Variants in ARFGAP1 observed in about 807,000 individuals in gnomAD.
ARFGAP1 encodes the protein ARF GTPase activating protein 1, also known as ADP-ribosylation factor GTPase-activating protein 1.
In ARFGAP1, 26 loss-of-function variants were observed where a neutral mutation model predicts 54.0. The observed-to-expected ratio is 0.48, with a 90% confidence interval of 0.35 to 0.67. ARFGAP1 has a LOEUF of 0.67. Ranked by LOEUF, ARFGAP1 falls within the 30% of genes least tolerant of loss-of-function variation. The pLI, the probability that ARFGAP1 is intolerant of heterozygous loss-of-function variation, is 0.00. For missense variants in ARFGAP1, 525 were observed against 535.8 expected (o/e 0.98, Z 0.20); for synonymous variants, 248 against 211.9 (o/e 1.17, Z -1.48).
Position 63,288,884 on chromosome 20 carries a change from G to A in ARFGAP1, c.*1011G>A, listed in dbSNP as rs986893244. ...CCAGCCATGCATGCGCCCGAAGCTCGTGCAGTTTGTACGTGAGGTGCTCTC... is the reference window on the plus strand; with the variant it reads ...CCAGCCATGCATGCGCCCGAAGCTCATGCAGTTTGTACGTGAGGTGCTCTC... On this transcript the variant is annotated 3_prime_UTR_variant, in exon 13 of 13. Coordinates refer to ENST00000370283, the MANE Select transcript of ARFGAP1 (RefSeq NM_018209.4). 7 of 270,814 alleles carry A rather than the reference G, an allele frequency of 2.6e-5. No homozygotes were observed. The highest frequency in any genetic ancestry group is 1.1e-4 in the African/African-American group (5 of 45,940). The allele number at this position is 270,814 out of a possible 1,614,324, so 16.8% of individuals were successfully genotyped here.
chr20:63,277,670 C>T (rs890509475), intron 5 of ARFGAP1, among the ~76,000 whole-genome samples: 9 of 152,308 alleles, frequency 5.9e-5, no homozygotes, highest in East Asian at 1.9e-4. Context: ...GAACTGACCC[C>T]GTCATGGATG....
rs2067486286 is a variant in ARFGAP1, at chr20:63,284,902, C to T, written c.754C>T (p.Leu252Phe). The T allele has an allele frequency of 1.9e-6, 3 of 1,613,282 alleles. No individual in the cohort carries two copies. Among genetic ancestry groups the T allele is most frequent in the Non-Finnish European group, 2.5e-6 (3 of 1,179,934 alleles). ...ELGHSLNENV[L>F]KPAQEKVKEG... ...GGGCCACAGCCTGAACGAGAACGTC[C>T]TCAAGCCTGCGCAGGAGAAGGTAAC... Residue 252 changes from leucine to phenylalanine, a missense_variant, in exon 10 of 13, where the codon CTC (leucine) becomes TTC (phenylalanine). Leu to Phe is a conservative substitution (Grantham distance 22). Transcript: ENST00000370283.
At chr20:63,284,261 G>C (rs1156708213) in intron 9 of ARFGAP1, 1 of 1,148,800 alleles carries the variant, frequency 8.7e-7, no homozygotes, top group Non-Finnish European at 1.1e-6. Flanking sequence ...GCAGTGCAAA[G>C]GGGAGGATCT....
intron 2 of ARFGAP1, 110 bp from the exon 3 acceptor site, chr20:63,275,981 C>A: frequency 4.1e-6 from 4 of 970,090 alleles, no homozygotes; most frequent in Admixed American, 1.8e-5. Context: ...ACACCCCCGG[C>A]CACCCTGGGC....
chr20:63,282,145 T>C (rs533821999), intron 8 of ARFGAP1, among the ~76,000 whole-genome samples: 127 of 152,264 alleles, frequency 8.3e-4, no homozygotes, highest in Admixed American at 7.2e-3. Context: ...TCTGGCCCCG[T>C]GTCTTCCCTG....
At chr20:63,274,447 A>G (rs2067184990) in intron 1 of ARFGAP1, among the ~76,000 whole-genome samples, 1 of 151,886 alleles carries the variant, frequency 6.6e-6, no homozygotes, top group Admixed American at 6.6e-5. Flanking sequence ...GCTGGTCTAC[A>G]CAGTCCTCTT....
rs371864690 is a variant in ARFGAP1, at chr20:63,286,416, G to T, written c.885G>T (p.Ser295=). Residue 295 remains serine (S), a synonymous_variant, in exon 12 of 13, where the codon TCG becomes TCT. Coordinates refer to ENST00000370283, the MANE Select transcript of ARFGAP1 (RefSeq NM_018209.4). ...GGCGGGACGTCACCACCTTTTTTTC[G>T]GGGAAAGCAGAGGGCCCCTTGGACA... ...KGWRDVTTFF[S]GKAEGPLDSP... 41 of 1,613,380 alleles carry T rather than the reference G, an allele frequency of 2.5e-5. 1 individual carries two copies. In the South Asian group the frequency reaches 4.5e-4, roughly 18 times the overall value.
chr20:63,276,666 G>T lies in ARFGAP1; in HGVS notation c.342+15G>T, dbSNP rs200147733. ...TTAGGGATAAGGTAGAGATGGGCCC[G>T]ATTCACTCTTGCCCATGGTGTGGGG... On this transcript the variant is annotated intron_variant, in intron 4 of 12. Transcript: ENST00000370283. The surrounding 1 kb of genome is among the most constrained non-coding windows in gnomAD (Gnocchi z 5.2). The T allele has an allele frequency of 1.9e-6, 3 of 1,590,912 alleles. No homozygotes were observed. The highest frequency in any genetic ancestry group is 2.6e-6 in the Non-Finnish European group (3 of 1,166,908).
In ARFGAP1 at chr20:63,288,030, C is replaced by A; in HGVS notation, c.*157C>A. 2 of 910,610 alleles carry A rather than the reference C, an allele frequency of 2.2e-6. No homozygotes were observed. The highest frequency in any genetic ancestry group is 3.2e-6 in the Non-Finnish European group (2 of 620,206). The allele number at this position is 910,610 out of a possible 1,614,324, so 56.4% of individuals were successfully genotyped here. ...GACCCTAGGGAGACCCGGGTGTGCG[C>A]CGCCTGCGCGTGGGGAGTCTTCGGT... On this transcript the variant is annotated 3_prime_UTR_variant, in exon 13 of 13. Coordinates refer to ENST00000370283, the MANE Select transcript of ARFGAP1 (RefSeq NM_018209.4).
At chr20:63,281,229 T>G (rs2067371983) in intron 7 of ARFGAP1, 62 bp from the exon 8 acceptor site, 3 of 1,519,278 alleles carry the variant, frequency 2.0e-6, no homozygotes, top group Non-Finnish European at 2.7e-6. Flanking sequence ...TGAGATACTC[T>G]GCTCAGCGCC....
At chr20:63,274,983 G>A (rs746434032) in intron 1 of ARFGAP1, among the ~76,000 whole-genome samples, 6 of 152,138 alleles carry the variant, frequency 3.9e-5, no homozygotes, top group Non-Finnish European at 7.4e-5. Context: ...CCACACTGTC[G>A]CCCCCATGCC....
chr20:63,276,709 G>T lies in ARFGAP1; in HGVS notation c.342+58G>T, dbSNP rs1449882474. On this transcript the variant is annotated intron_variant, in intron 4 of 12. Coordinates refer to ENST00000370283, the MANE Select transcript of ARFGAP1 (RefSeq NM_018209.4). The surrounding 1 kb of genome is among the most constrained non-coding windows in gnomAD (Gnocchi z 5.2). ...GTGTGGGGCTGCCCTGCCGTTTGTGGCAGCTGGACTGTGGCCTTTAGTGGT... is the reference window on the plus strand; with the variant it reads ...GTGTGGGGCTGCCCTGCCGTTTGTGTCAGCTGGACTGTGGCCTTTAGTGGT... 5.2e-6 allele frequency: 8 copies of T among 1,530,336 alleles called. No individual in the cohort carries two copies. The African/African-American group carries it at 1.1e-4, about 21-fold the overall frequency. 94.8% of individuals were successfully genotyped at this position (1,530,336 alleles called of 1,614,324 possible).
chr20:63,276,245 C>T lies in ARFGAP1; in HGVS notation c.170+45C>T. ...GGCTCTGCGGAGAGCCTGCGGCCAC[C>T]CCAGCATCTGTTCCTGACACCAGAG... On this transcript the variant is annotated intron_variant, in intron 3 of 12. Coordinates refer to ENST00000370283, the MANE Select transcript of ARFGAP1 (RefSeq NM_018209.4). The surrounding 1 kb of genome is among the most constrained non-coding windows in gnomAD (Gnocchi z 5.2). 1 of 1,599,166 alleles carries T rather than the reference C, an allele frequency of 6.3e-7. No homozygotes were observed. The highest frequency in any genetic ancestry group is 8.6e-7 in the Non-Finnish European group (1 of 1,167,704).
At chr20:63,278,485 G>A (rs1307969440) in intron 6 of ARFGAP1, 2 of 481,362 alleles carry the variant, frequency 4.2e-6, no homozygotes, top group East Asian at 3.9e-5. Context: ...GGTCTTGGGT[G>A]TATTGCAGTG....
intron 8 of ARFGAP1, 34 bp from the exon 9 acceptor site, chr20:63,282,785 G>C (rs1475287596): frequency 1.3e-5 from 21 of 1,613,732 alleles, no homozygotes; most frequent in Non-Finnish European, 1.8e-5. Flanking sequence ...CCCATGTTAA[G>C]TCTGTCAAGC....
chr20:63,278,533 T>C, intron 6 of ARFGAP1: 1 of 458,532 alleles, frequency 2.2e-6, no homozygotes, highest in African/African-American at 2.0e-5. Flanking sequence ...GGGTCTTGGG[T>C]GTAGAGAAGC....
rs890884458 is a variant in ARFGAP1, at chr20:63,279,065, G to C, written c.627+70G>C. The C allele has an allele frequency of 2.0e-6, 3 of 1,469,142 alleles. No individual in the cohort carries two copies. The African/African-American group carries it at 4.2e-5, about 21-fold the overall frequency. 91.0% of individuals were successfully genotyped at this position (1,469,142 alleles called of 1,614,324 possible). On this transcript the variant is annotated intron_variant, in intron 7 of 12. Coordinates refer to ENST00000370283, the MANE Select transcript of ARFGAP1 (RefSeq NM_018209.4). ...CCCTGAGGGCACGACGGGCCATAGT[G>C]GGCAGTGTGGCAGTCCTGGAACATG...
At chr20:63,277,524 G>A (rs981806290) in intron 5 of ARFGAP1, among the ~76,000 whole-genome samples, 8 of 152,176 alleles carry the variant, frequency 5.3e-5, no homozygotes, top group Non-Finnish European at 1.0e-4. Flanking sequence ...GGTAAGCTCC[G>A]CACGCCTTCC....
At chr20:63,284,778 G>A in intron 9 of ARFGAP1, 88 bp from the exon 10 acceptor site, 1 of 1,572,090 alleles carries the variant, frequency 6.4e-7, no homozygotes, top group Non-Finnish European at 8.6e-7. Flanking sequence ...TGAAGCTCGT[G>A]CTGCCCTTTG....
Sources: gnomAD v4.1 joint callset for allele counts (sites outside exome capture counted in the v4.1 genomes callset) on GRCh38, gnomAD v4.1.1 for gene constraint, Gnocchi (gnomAD v3.1) non-coding constraint, MANE v1.5 for transcripts, NCBI Gene and HGNC (gene_info 2026-07-23, HGNC 2026-07-21) for gene names.